Variants in AP3B1 observed in about 807,000 individuals in gnomAD.
AP3B1 encodes AP-3 complex subunit beta-1.
Under a neutral mutation model 132.5 loss-of-function variants are expected in AP3B1, and 61 were observed. The ratio of observed to expected loss-of-function variants is 0.46; its 90% confidence interval spans 0.37 to 0.57. The LOEUF (loss-of-function observed/expected upper bound fraction) is 0.57, where lower values mean the gene tolerates loss of function less well. AP3B1 is among the 20% of genes least tolerant of loss of function. The pLI is 0.00. For missense variants in AP3B1, 1,120 were observed against 1,289.4 expected (o/e 0.87, Z 2.01); for synonymous variants, 388 against 438.3 (o/e 0.89, Z 1.43).
intron 21 of AP3B1, among the ~76,000 whole-genome samples, chr5:78,097,695 G>C (rs1482879461): frequency 6.6e-6 from 1 of 151,744 alleles, no homozygotes; most frequent in Non-Finnish European, 1.5e-5. Flanking sequence ...CCTCGTCCAG[G>C]AGGTGAGGGG....
intron 2 of AP3B1, among the ~76,000 whole-genome samples, chr5:78,264,181 GAATA>G (rs1748221930): frequency 6.6e-6 from 1 of 152,116 alleles, no homozygotes; most frequent in Non-Finnish European, 1.5e-5. Flanking sequence ...TGACTGTATT[GAATA>G]ATAATCTAGA....
intron 6 of AP3B1, among the ~76,000 whole-genome samples, chr5:78,219,243 A>G (rs1746083799): frequency 6.6e-6 from 1 of 152,174 alleles, no homozygotes; most frequent in African/African-American, 2.4e-5. Context: ...GATGTTATCA[A>G]AAAGATTTAT....
At chr5:78,206,553 C>G (rs764249158) in intron 7 of AP3B1, among the ~76,000 whole-genome samples, 42 of 152,132 alleles carry the variant, frequency 2.8e-4, no homozygotes, top group Non-Finnish European at 5.4e-4. Context: ...CCACACTCCT[C>G]ACATATATAA....
At chr5:78,126,393 T>C (rs1752457369) in intron 17 of AP3B1, among the ~76,000 whole-genome samples, 1 of 149,600 alleles carries the variant, frequency 6.7e-6, no homozygotes, top group African/African-American at 2.5e-5. Context: ...TAATCCCAGC[T>C]ACTTGGGAAG....
At chr5:78,090,041 G>C (rs1405961548) in intron 21 of AP3B1, among the ~76,000 whole-genome samples, 1 of 152,098 alleles carries the variant, frequency 6.6e-6, no homozygotes, top group African/African-American at 2.4e-5. Context: ...ACTGATACCT[G>C]TAAGTTTGGA....
intron 12 of AP3B1, 46 bp downstream of exon 12, chr5:78,165,562 CTG>C: frequency 7.7e-7 from 1 of 1,306,104 alleles, no homozygotes; most frequent in South Asian, 1.2e-5. Flanking sequence ...ATATTTAAGA[CTG>C]AACATATGTT....
intron 19 of AP3B1, 57 bp from the exon 20 acceptor site, chr5:78,110,411 T>C: frequency 1.5e-6 from 2 of 1,367,846 alleles, no homozygotes; most frequent in Non-Finnish European, 2.0e-6. Flanking sequence ...ATAAGCAGTT[T>C]ATAAAAAAAT....
intron 3 of AP3B1, among the ~76,000 whole-genome samples, chr5:78,233,190 G>A (rs1472854391): frequency 1.3e-5 from 2 of 150,508 alleles, no homozygotes; most frequent in African/African-American, 4.9e-5. Context: ...TGTCTCCTTG[G>A]TCTTCTTTCA....
At chr5:78,240,696 G>C (rs564444493) in intron 3 of AP3B1, among the ~76,000 whole-genome samples, 166 bp downstream of exon 3, 3 of 152,228 alleles carry the variant, frequency 2.0e-5, no homozygotes, top group African/African-American at 7.2e-5. Context: ...AGCTAGGATT[G>C]TGCCTACTTT....
chr5:78,105,975 C>G (rs1325263195), intron 20 of AP3B1, among the ~76,000 whole-genome samples: 1 of 152,196 alleles, frequency 6.6e-6, no homozygotes, highest in East Asian at 1.9e-4. Flanking sequence ...ACCCCATCAT[C>G]AGTAACATTT....
intron 11 of AP3B1, among the ~76,000 whole-genome samples, chr5:78,166,165 AC>A (rs1743620855): frequency 1.0e-5 from 1 of 99,548 alleles, no homozygotes; most frequent in African/African-American, 3.4e-5. Flanking sequence ...ACACACACAC[AC>A]ACACACAAAT....
intron 22 of AP3B1, among the ~76,000 whole-genome samples, chr5:78,073,206 A>G (rs1749620316): frequency 6.6e-6 from 1 of 152,206 alleles, no homozygotes; most frequent in Admixed American, 6.5e-5. Flanking sequence ...TGTAAATATC[A>G]TAACATCTTC....
rs1747938977 is a variant in AP3B1, at chr5:78,039,117, C to T, written c.2735G>A (p.Arg912Gln). ...IQITLNNTTD[R>Q]KIENIHIGEK... is the part of the protein sequence containing the mutation. ...CCCTATGTGGATATTTTCTATCTTT[C>T]GATCAGTAGTGTTATTCAGTGTTAT... Residue 912 changes from arginine to glutamine, a missense_variant, in exon 23 of 27, where the codon CGA becomes CAA. Physicochemically the swap from Arg to Gln is conservative, Grantham distance 43. Around this residue, in one of 3 missense-constraint regions of AP3B1, gnomAD observed 906 missense variants for 997.1 expected, o/e 0.91. Coordinates refer to ENST00000255194, the MANE Select transcript of AP3B1 (RefSeq NM_003664.5). The T allele has an allele frequency of 1.9e-6, 3 of 1,613,248 alleles. No homozygotes were observed. The highest frequency in any genetic ancestry group is 1.1e-5 in the South Asian group (1 of 90,946).
At chr5:78,021,809 T>C (rs930517328) in intron 24 of AP3B1, among the ~76,000 whole-genome samples, 5 of 152,132 alleles carry the variant, frequency 3.3e-5, no homozygotes, top group East Asian at 1.9e-4. Context: ...TTACATTCCA[T>C]TGAAGGAAGG....
intron 22 of AP3B1, among the ~76,000 whole-genome samples, chr5:78,082,105 C>A (rs921204048): frequency 6.6e-6 from 1 of 152,002 alleles, no homozygotes; most frequent in Non-Finnish European, 1.5e-5. Flanking sequence ...TTTTTTGTTT[C>A]ACTGAGTCGC....
At chr5:78,278,745 A>G (rs1748909551) in intron 1 of AP3B1, among the ~76,000 whole-genome samples, 1 of 152,018 alleles carries the variant, frequency 6.6e-6, no homozygotes, top group African/African-American at 2.4e-5. Context: ...AGGATGCCAC[A>G]CAGCAGGCAA....
Position 78,162,849 on chromosome 5 carries a change from C to T in AP3B1, c.1333G>A (p.Gly445Ser), listed in dbSNP as rs1168413677. The change falls in exon 13 of 27, where the codon GGC becomes AGC. Residue 445 changes from glycine to serine, a missense_variant. Physicochemically the swap from Gly to Ser is moderately conservative, Grantham distance 56. Transcript: ENST00000255194. The stretch of plus-strand genomic sequence containing the variant: ...CTGTTGGACAGCAGACAGACCAAGC[C>T]ATTGAGGCACGTGTCAGTGACTTCC... ...ILEVTDTCLN[G>S]LVCLLSNRDE... is the part of the protein sequence containing the mutation. 2.5e-6 allele frequency: 4 copies of T among 1,613,998 alleles called. No individual in the cohort carries two copies. The South Asian group carries it at 4.4e-5, about 18-fold the overall frequency.
intron 1 of AP3B1, among the ~76,000 whole-genome samples, chr5:78,279,673 C>T (rs559798065): frequency 2.0e-5 from 3 of 151,466 alleles, no homozygotes; most frequent in East Asian, 3.9e-4. Flanking sequence ...CTTTGGGATG[C>T]GGAGGCAGGA....
chr5:78,202,506 T>C (rs560399910), intron 7 of AP3B1, among the ~76,000 whole-genome samples: 1 of 151,748 alleles, frequency 6.6e-6, no homozygotes, highest in Non-Finnish European at 1.5e-5. Context: ...ACATCAGTGT[T>C]TCTGCTTTTG....
Sources: gnomAD v4.1 joint callset for allele counts (sites outside exome capture counted in the v4.1 genomes callset) on GRCh38, gnomAD v4.1.1 for gene constraint, gnomAD v4.1.1 regional missense constraint, MANE v1.5 for transcripts, NCBI Gene and HGNC (gene_info 2026-07-23, HGNC 2026-07-21) for gene names.